VAT1L: variants seen among roughly 807,000 people sequenced by gnomAD.
VAT1L encodes putative NADPH-dependent quinone oxidoreductase VAT1L.
VAT1L carries 34 observed loss-of-function variants against 44.1 expected under a neutral mutation model. The observed-to-expected ratio is 0.77, with a 90% CI of 0.59 to 1.03. The LOEUF is 1.03. Among genes scored for constraint, VAT1L ranks in the 50% least tolerant of loss-of-function variants. The probability of loss-of-function intolerance (pLI) is 0.00; values close to 1 mark genes in which losing one functional copy is unlikely to be tolerated. For missense variants in VAT1L, 615 were observed against 538.8 expected, an observed-to-expected ratio of 1.14 and a Z score of -1.40; for synonymous variants, 253 against 202.2, an observed-to-expected ratio of 1.25 and a Z score of -2.13.
At chr16:77,825,548 G>C in intron 3 of VAT1L, 87 bp downstream of exon 3, 1 of 1,416,392 alleles carries the variant, frequency 7.1e-7, no homozygotes. Flanking sequence ...TGTGAGCTAT[G>C]TCCTTTAGCA....
At chr16:77,825,812 C>G (rs2016513212) in intron 3 of VAT1L, among the ~76,000 whole-genome samples, 1 of 149,444 alleles carries the variant, frequency 6.7e-6, no homozygotes, top group Non-Finnish European at 1.5e-5. Context: ...GTCAGGAGAT[C>G]AAGACCATCC....
intron 4 of VAT1L, among the ~76,000 whole-genome samples, chr16:77,864,821 C>G (rs886474313): frequency 6.6e-6 from 1 of 152,018 alleles, no homozygotes; most frequent in Non-Finnish European, 1.5e-5. Context: ...AAGGTTGTCC[C>G]AATAGTTCCA....
At chr16:77,922,374 T>G (rs768795337) in intron 7 of VAT1L, among the ~76,000 whole-genome samples, 1 of 152,028 alleles carries the variant, frequency 6.6e-6, no homozygotes, top group Non-Finnish European at 1.5e-5. Flanking sequence ...GGCAGCAGAG[T>G]CACACACGTT....
chr16:77,879,255 G>A lies in VAT1L; in HGVS notation c.882+31G>A, dbSNP rs965872186. On this transcript the variant is annotated intron_variant, in intron 6 of 8. Coordinates refer to ENST00000302536, the MANE Select transcript of VAT1L (RefSeq NM_020927.3). The surrounding 1 kb of genome is among the most constrained non-coding windows in gnomAD (Gnocchi z 4.1). ...TATCCAGGCACATCTGATGTACTGT[G>A]GTGGCATGTTGATTCACATGTTGAG... The A allele has an allele frequency of 1.2e-6, 2 of 1,607,060 alleles. No individual in the cohort carries two copies. Among genetic ancestry groups the A allele is most frequent in the Non-Finnish European group, 1.7e-6 (2 of 1,173,986 alleles).
chr16:77,839,512 G>A (rs1329132106), intron 3 of VAT1L, among the ~76,000 whole-genome samples: 2 of 124,090 alleles, frequency 1.6e-5, no homozygotes, highest in Non-Finnish European at 3.1e-5. Flanking sequence ...CTCCAGCCTG[G>A]GCGACAGAGA....
At chr16:77,889,498 T>A (rs1035112924) in intron 7 of VAT1L, among the ~76,000 whole-genome samples, 2 of 152,168 alleles carry the variant, frequency 1.3e-5, no homozygotes, top group African/African-American at 4.8e-5. Flanking sequence ...TGTGTGCTAA[T>A]CCTCTTTTAG....
chr16:77,919,863 A>G (rs1317291959), intron 7 of VAT1L, among the ~76,000 whole-genome samples: 3 of 152,142 alleles, frequency 2.0e-5, no homozygotes, highest in Admixed American at 2.0e-4. Flanking sequence ...CAAGGGAGGC[A>G]GATCACTTGC....
intron 7 of VAT1L, among the ~76,000 whole-genome samples, chr16:77,902,733 G>GGC (rs569626264): frequency 3.9e-4 from 2 of 5,122 alleles, no homozygotes; most frequent in Admixed American, 2.1e-3. Flanking sequence ...ATGGGGGGGT[G>GGC]GGGGGGGTGT....
At chr16:77,923,555 A>G (rs2017635016) in intron 7 of VAT1L, among the ~76,000 whole-genome samples, 1 of 152,182 alleles carries the variant, frequency 6.6e-6, no homozygotes, top group African/African-American at 2.4e-5. Flanking sequence ...ATCCTCACCT[A>G]TCAGGTTTTT....
At chr16:77,922,479 G>C (rs1304594148) in intron 7 of VAT1L, among the ~76,000 whole-genome samples, 1 of 152,134 alleles carries the variant, frequency 6.6e-6, no homozygotes, top group Non-Finnish European at 1.5e-5. Flanking sequence ...CTTGGCCTCA[G>C]AATGCAAGGA....
intron 3 of VAT1L, among the ~76,000 whole-genome samples, chr16:77,850,686 A>C (rs1004533763): frequency 6.6e-6 from 1 of 151,892 alleles, no homozygotes; most frequent in African/African-American, 2.4e-5. Context: ...AGACGCATTT[A>C]TCAAAACCAC....
intron 8 of VAT1L, among the ~76,000 whole-genome samples, chr16:77,973,526 G>A (rs989170339): frequency 1.1e-4 from 16 of 151,928 alleles, no homozygotes; most frequent in African/African-American, 3.9e-4. Flanking sequence ...CTCATGATAC[G>A]CCCGCCTCAG....
chr16:77,876,240 T>A, intron 4 of VAT1L, 130 bp from the exon 5 acceptor site: 2 of 746,938 alleles, frequency 2.7e-6, no homozygotes, highest in Non-Finnish European at 4.6e-6. Flanking sequence ...CTGCCCTATT[T>A]ATTGCTACTC....
At chr16:77,822,595 C>A (rs2016469224) in intron 2 of VAT1L, among the ~76,000 whole-genome samples, 1 of 152,098 alleles carries the variant, frequency 6.6e-6, no homozygotes, top group African/African-American at 2.4e-5. Context: ...TAAATCTAGG[C>A]AAGGACCTCT....
chr16:77,885,525 G>A (rs1023167905), intron 7 of VAT1L, among the ~76,000 whole-genome samples: 1 of 152,092 alleles, frequency 6.6e-6, no homozygotes, highest in South Asian at 2.1e-4. Flanking sequence ...ATGAAGAGAT[G>A]TGGCCTGGAT....
Position 77,921,371 on chromosome 16 carries a change from G to A in VAT1L, c.1077+36569G>A, listed in dbSNP as rs746138278. Among the ~76,000 whole-genome samples the A allele has an allele frequency of 5.3e-5, 8 of 152,250 alleles. No individual in the cohort carries two copies. In the South Asian group the frequency reaches 6.2e-4, roughly 12 times the overall value. ...AGCAGCTCTATTGTGTATCTCATAC[G>A]GGTGCTTGATAACTTTATCCATGGA... On this transcript the variant is annotated intron_variant, in intron 7 of 8. Coordinates refer to ENST00000302536, the MANE Select transcript of VAT1L (RefSeq NM_020927.3).
intron 7 of VAT1L, among the ~76,000 whole-genome samples, chr16:77,949,458 A>C (rs1381116061): frequency 6.6e-6 from 1 of 152,240 alleles, no homozygotes; most frequent in Non-Finnish European, 1.5e-5. Flanking sequence ...CCCAAACCTC[A>C]TGTGGAAATT....
intron 7 of VAT1L, among the ~76,000 whole-genome samples, chr16:77,906,744 G>T (rs994590188): frequency 6.6e-6 from 1 of 152,156 alleles, no homozygotes; most frequent in African/African-American, 2.4e-5. Flanking sequence ...GTATTTTAGG[G>T]TTGTGCATGT....
At chr16:77,857,695 T>C (rs990784177) in intron 3 of VAT1L, among the ~76,000 whole-genome samples, 1 of 150,226 alleles carries the variant, frequency 6.7e-6, no homozygotes, top group Non-Finnish European at 1.5e-5. Context: ...ATTATACATA[T>C]ACACATCATG....
Sources: allele counts gnomAD v4.1 joint callset (sites outside exome capture counted in the v4.1 genomes callset), GRCh38; gene constraint gnomAD v4.1.1; non-coding constraint Gnocchi (gnomAD v3.1); transcripts MANE v1.5; gene names NCBI Gene and HGNC (gene_info 2026-07-23, HGNC 2026-07-21).